The following DRD4 variants were observed in gnomAD, a reference collection of about 807,000 sequenced individuals.
DRD4 encodes the protein D(4) dopamine receptor.
A neutral mutation model predicts 22.1 loss-of-function variants in DRD4; 26 were observed. The observed-to-expected ratio is 1.17, with a 90% CI of 0.86 to 1.63. The LOEUF (loss-of-function observed/expected upper bound fraction) is 1.63, where lower values mean the gene tolerates loss of function less well. DRD4 is among the 40% of genes most tolerant of loss of function. The pLI is 0.00. For synonymous variants in DRD4, 455 were observed against 306.7 expected (o/e 1.48, Z -5.05); for missense variants, 913 against 632.4 (o/e 1.44, Z -4.76).
Position 640,462 on chromosome 11 carries a change from T to G in DRD4, c.1119T>G (p.Pro373=). Reference sequence around the variant, plus strand: ...TGCACATCACGCAGGCGCTGTGTCCTGCCTGCTCCGTGCCCCCGCGGCTGG... The same window carrying G: ...TGCACATCACGCAGGCGCTGTGTCCGGCCTGCTCCGTGCCCCCGCGGCTGG... ...FVVHITQALC[P]ACSVPPRLVS... The change falls in exon 4 of 4, where the codon CCT becomes CCG. Residue 373 remains proline, a synonymous_variant. Coordinates refer to ENST00000176183, the MANE Select transcript of DRD4 (RefSeq NM_000797.4). 6.2e-7 allele frequency: 1 copy of G among 1,602,120 alleles called. No homozygotes were observed. The highest frequency in any genetic ancestry group is 8.5e-7 in the Non-Finnish European group (1 of 1,179,782).
rs2133247736 is a variant in DRD4 at position 637,556 on chromosome 11, T to G, written c.252T>G (p.Ala84=). The G allele has an allele frequency of 6.4e-7, 1 of 1,560,312 alleles. No individual in the cohort carries two copies. Among genetic ancestry groups the G allele is most frequent in the East Asian group, 2.4e-5 (1 of 42,168 alleles). ...VSLAAADLLL[A]LLVLPLFVYS... is the part of the protein sequence containing the mutation. ...TGGCGGCCGCCGACCTCCTCCTCGC[T>G]CTCCTGGTGCTGCCGCTCTTCGTCT... The change falls in exon 1 of 4, where the codon GCT becomes GCG. Residue 84 remains alanine, a synonymous_variant. Coordinates refer to ENST00000176183, the MANE Select transcript of DRD4 (RefSeq NM_000797.4).
intron 2 of DRD4, 32 bp downstream of exon 2, chr11:639,577 C>A: frequency 1.5e-6 from 2 of 1,338,558 alleles, no homozygotes; most frequent in Non-Finnish European, 9.5e-7. Context: ...CGCCCCGGCG[C>A]CCCCGCGCCC....
Position 639,839 on chromosome 11 carries a change from C to T in DRD4, c.590C>T (p.Ser197Phe), listed in dbSNP as rs1397039723. 2 of 1,586,360 alleles carry T rather than the reference C, an allele frequency of 1.3e-6. No individual in the cohort carries two copies. The highest frequency in any genetic ancestry group is 1.7e-6 in the Non-Finnish European group (2 of 1,173,962). The change falls in exon 3 of 4, where the codon TCC (serine) becomes TTC (phenylalanine). Residue 197 changes from serine (S) to phenylalanine (F), a missense_variant. Transcript: ENST00000176183. ...LEDRDYVVYS[S>F]VCSFFLPCPL... ...GACCGCGACTACGTGGTCTACTCGT[C>T]CGTGTGCTCCTTCTTCCTACCCTGC...
Position 640,479 on chromosome 11 carries a change from C to T in DRD4, c.1136C>T (p.Pro379Leu). The change falls in exon 4 of 4, where the codon CCG becomes CTG. Residue 379 changes from proline (P) to leucine (L), a missense_variant. Coordinates refer to ENST00000176183, the MANE Select transcript of DRD4 (RefSeq NM_000797.4). The part of the protein sequence containing the change: ...QALCPACSVP[P>L]RLVSAVTWLG... ...CTGTGTCCTGCCTGCTCCGTGCCCC[C>T]GCGGCTGGTCAGCGCCGTCACCTGG... The T allele has an allele frequency of 3.1e-6, 5 of 1,602,212 alleles. No individual in the cohort carries two copies. Among genetic ancestry groups the T allele is most frequent in the East Asian group, 2.2e-5 (1 of 44,862 alleles).
At chr11:637,709 C>T (rs12720388) in intron 1 of DRD4, 120 bp downstream of exon 1, 29 of 1,505,762 alleles carry the variant, frequency 1.9e-5, no homozygotes, top group African/African-American at 5.5e-5. Flanking sequence ...GCTGGGGCGG[C>T]GGCAGGGGCG....
Position 640,454 on chromosome 11 carries a change from C to G in DRD4, c.1111C>G (p.Leu371Val). ...PFFVVHITQA[L>V]CPACSVPPRL... ...CTTCGTGGTGCACATCACGCAGGCG[C>G]TGTGTCCTGCCTGCTCCGTGCCCCC... The change falls in exon 4 of 4, where the codon CTG becomes GTG. Residue 371 changes from leucine to valine, a missense_variant. Physicochemically the swap from Leu to Val is conservative, Grantham distance 32. Coordinates refer to ENST00000176183, the MANE Select transcript of DRD4 (RefSeq NM_000797.4). 6.2e-7 allele frequency: 1 copy of G among 1,601,880 alleles called. No homozygotes were observed.
At position 640,025 on chromosome 11, in the gene DRD4, G is replaced by C. The variant is rs1858179973; in HGVS notation, c.776G>C (p.Gly259Ala). 2 of 1,209,338 alleles carry C rather than the reference G, an allele frequency of 1.7e-6. No homozygotes were observed. Among genetic ancestry groups the C allele is most frequent in the East Asian group, 7.6e-5 (2 of 26,162 alleles). The allele number at this position is 1,209,338 out of a possible 1,614,324, so 74.9% of individuals were successfully genotyped here. The stretch of plus-strand genomic sequence containing the variant: ...CCCCGCCTCCCCCAGGACCCCTGCG[G>C]CCCCGACTGTGCGCCCCCCGCGCCC... ...PAPRLPQDPC[G>A]PDCAPPAPGL... Residue 259 changes from glycine to alanine, a missense_variant, in exon 3 of 4, where the codon GGC becomes GCC. Gly to Ala is a moderately conservative substitution (Grantham distance 60, BLOSUM62 0). Coordinates refer to ENST00000176183, the MANE Select transcript of DRD4 (RefSeq NM_000797.4).
chr11:640,389 C>T lies in DRD4; in HGVS notation c.1058-12C>T, dbSNP rs1359034902. ...GGGCGGGGGGCGCTAACGCGGCTCT[C>T]GGCGCCCCCAGGGGCCTTCCTGCTG... On this transcript the variant is annotated splice_polypyrimidine_tract_variant and intron_variant, in intron 3 of 3. Transcript: ENST00000176183. 15 of 1,596,686 alleles carry T rather than the reference C, an allele frequency of 9.4e-6. No homozygotes were observed. The highest frequency in any genetic ancestry group is 1.3e-5 in the Non-Finnish European group (15 of 1,178,640).
intron 1 of DRD4, 68 bp from the exon 2 acceptor site, chr11:639,365 G>A: frequency 7.2e-7 from 1 of 1,396,260 alleles, no homozygotes; most frequent in African/African-American, 1.6e-5. Context: ...CTACCCATAA[G>A]AGTGGGGGCG....
chr11:639,302 C>T, intron 1 of DRD4, 131 bp from the exon 2 acceptor site: 1 of 818,900 alleles, frequency 1.2e-6, no homozygotes, highest in Non-Finnish European at 2.0e-6. Context: ...CCTGCCCGGT[C>T]CTCTGGCCTC....
chr11:638,213 C>T (rs1366611594), intron 1 of DRD4, among the ~76,000 whole-genome samples: 2 of 152,192 alleles, frequency 1.3e-5, no homozygotes, highest in Non-Finnish European at 2.9e-5. Flanking sequence ...GTCTGGCCCT[C>T]GAGTGGGTCG....
chr11:640,268 G>T lies in DRD4; in HGVS notation c.1019G>T (p.Arg340Leu). ...AGGCGGCGTGCCAAGATCACCGGCC[G>T]GGAGCGCAAGGCCATGAGGGTCCTG... is the stretch of plus-strand genomic sequence containing the variant. ...RRRRRAKITG[R>L]ERKAMRVLPV... The change falls in exon 3 of 4, where the codon CGG becomes CTG. Residue 340 changes from arginine to leucine, a missense_variant. Transcript: ENST00000176183. 1 of 1,533,940 alleles carries T rather than the reference G, an allele frequency of 6.5e-7. No homozygotes were observed. Among genetic ancestry groups the T allele is most frequent in the Non-Finnish European group, 8.7e-7 (1 of 1,146,924 alleles).
rs77195293 is a variant in DRD4 at position 638,361 on chromosome 11, G to C, written c.285+772G>C. Among the ~76,000 whole-genome samples, 9 of 152,328 alleles carry C rather than the reference G, an allele frequency of 5.9e-5. No homozygotes were observed. In the East Asian group the frequency reaches 1.7e-3, roughly 29 times the overall value. On this transcript the variant is annotated intron_variant, in intron 1 of 3. Transcript: ENST00000176183. ...AGTGAATCCAGGCGGCTGGGGCAGAGACCAGCAGCACGGGACACGCGTGAC... is the reference window on the plus strand; with the variant it reads ...AGTGAATCCAGGCGGCTGGGGCAGACACCAGCAGCACGGGACACGCGTGAC...
At chr11:638,835 C>G (rs958747166) in intron 1 of DRD4, among the ~76,000 whole-genome samples, 1 of 152,198 alleles carries the variant, frequency 6.6e-6, no homozygotes, top group African/African-American at 2.4e-5. Context: ...GTGATTCACG[C>G]CTGTAATCCC....
Position 637,526 on chromosome 11 carries a change from G to T in DRD4, c.222G>T (p.Val74=). The T allele has an allele frequency of 6.4e-7, 1 of 1,564,644 alleles. No homozygotes were observed. The part of the protein sequence containing the change: ...ALQTPTNSFI[V]SLAAADLLLA... ...AGACGCCCACCAACTCCTTCATCGT[G>T]AGCCTGGCGGCCGCCGACCTCCTCC... The change falls in exon 1 of 4, where the codon GTG becomes GTT. Residue 74 remains valine, a synonymous_variant. Coordinates refer to ENST00000176183, the MANE Select transcript of DRD4 (RefSeq NM_000797.4).
At position 640,549 on chromosome 11, in the gene DRD4, C is replaced by G; in HGVS notation, c.1206C>G (p.Val402=). 6.2e-7 allele frequency: 1 copy of G among 1,600,412 alleles called. No individual in the cohort carries two copies. The highest frequency in any genetic ancestry group is 8.5e-7 in the Non-Finnish European group (1 of 1,179,766). ...CCCTCAACCCCGTCATCTACACTGT[C>G]TTCAACGCCGAGTTCCGCAACGTCT... ...NSALNPVIYT[V]FNAEFRNVFR... The change falls in exon 4 of 4, where the codon GTC becomes GTG. Residue 402 remains valine, a synonymous_variant. Coordinates refer to ENST00000176183, the MANE Select transcript of DRD4 (RefSeq NM_000797.4).
chr11:637,480 T>G lies in DRD4; in HGVS notation c.176T>G (p.Val59Gly). Residue 59 changes from valine to glycine, a missense_variant, in exon 1 of 4, where the codon GTG (valine) becomes GGG (glycine). By Grantham distance (109) the Val-to-Gly change is moderately radical. Transcript: ENST00000176183. ...GGGAACTCGCTCGTGTGCGTGAGCGTGGCCACCGAGCGCGCCCTGCAGACG... is the reference window on the plus strand; with the variant it reads ...GGGAACTCGCTCGTGTGCGTGAGCGGGGCCACCGAGCGCGCCCTGCAGACG... Reference protein sequence around the residue: ...LAGNSLVCVSVATERALQTPT... With the variant: ...LAGNSLVCVSGATERALQTPT... 1 of 1,542,288 alleles carries G rather than the reference T, an allele frequency of 6.5e-7. No individual in the cohort carries two copies. The highest frequency in any genetic ancestry group is 2.4e-5 in the East Asian group (1 of 41,376).
chr11:637,919 A>T (rs1858101282), intron 1 of DRD4, among the ~76,000 whole-genome samples: 1 of 152,074 alleles, frequency 6.6e-6, no homozygotes, highest in African/African-American at 2.4e-5. Flanking sequence ...CCGTAGCTGG[A>T]TTTCACCTCC....
chr11:639,652 G>C lies in DRD4; in HGVS notation c.403G>C (p.Val135Leu). The C allele has an allele frequency of 1.4e-6, 2 of 1,455,158 alleles. No homozygotes were observed. The highest frequency in any genetic ancestry group is 1.8e-6 in the Non-Finnish European group (2 of 1,107,404). The allele number at this position is 1,455,158 out of a possible 1,614,324, so 90.1% of individuals were successfully genotyped here. Residue 135 changes from valine (V) to leucine (L), a missense_variant, in exon 3 of 4, where the codon GTG becomes CTG. Transcript: ENST00000176183. ...NLCAISVDRF[V>L]AVAVPLRYNR... ...CCCCCTCGGCGCTCCCCGCAGGTTC[G>C]TGGCCGTGGCCGTGCCGCTGCGCTA...
Sources: allele counts gnomAD v4.1 joint callset (sites outside exome capture counted in the v4.1 genomes callset), GRCh38; gene constraint gnomAD v4.1.1; transcripts MANE v1.5; gene names NCBI Gene and HGNC (gene_info 2026-07-23, HGNC 2026-07-21).